The following GTPBP1 variants were observed in gnomAD, a reference collection of about 807,000 sequenced individuals.
GTPBP1 encodes GTP-binding protein 1.
Under a neutral mutation model 62.0 loss-of-function variants are expected in GTPBP1, and 23 were observed. That is an observed-to-expected ratio of 0.37 (90% CI 0.27 to 0.53). GTPBP1 has a LOEUF of 0.53. Ranked by LOEUF, GTPBP1 falls within the 20% of genes least tolerant of loss-of-function variation. The pLI is 0.89. For missense variants in GTPBP1, 640 were observed against 917.3 expected, an observed-to-expected ratio of 0.70 and a Z score of 3.90; for synonymous variants, 344 against 364.4, an observed-to-expected ratio of 0.94 and a Z score of 0.64.
At chr22:38,738,482 T>C, downstream of GTPBP1, 1 of 1,457,350 alleles carries the variant, frequency 6.9e-7, no homozygotes, top group Non-Finnish European at 9.4e-7. This position sits in a 1 kb window ranked among gnomAD's most constrained non-coding sequence, Gnocchi z 6.6. Context: ...CCAAATCCAC[T>C]CCCCTCCCTT....
chr22:38,730,168 G>A lies in GTPBP1; in HGVS notation c.1918-444G>A, dbSNP rs2092749382. Among the ~76,000 whole-genome samples the A allele has an allele frequency of 6.6e-6, 1 of 152,136 alleles. No homozygotes were observed. The highest frequency in any genetic ancestry group is 2.4e-5 in the African/African-American group (1 of 41,428). On this transcript the variant is annotated intron_variant, in intron 11 of 11. Transcript: ENST00000216044. The surrounding 1 kb of genome is among the most constrained non-coding windows in gnomAD (Gnocchi z 5.6). ...CTGTCTCCCACAGGCACTCTCTCCT[G>A]GCGTGATGAAGGCCTGGTGCCCCTT...
intron 2 of GTPBP1, among the ~76,000 whole-genome samples, chr22:38,709,332 T>G (rs1735729731): frequency 6.6e-6 from 1 of 152,178 alleles, no homozygotes; most frequent in African/African-American, 2.4e-5. Context: ...TTTTCCCCGC[T>G]TTTTGAACTT....
At chr22:38,707,962 T>C (rs1432737437) in intron 1 of GTPBP1, among the ~76,000 whole-genome samples, 1 of 152,192 alleles carries the variant, frequency 6.6e-6, no homozygotes, top group East Asian at 1.9e-4. Flanking sequence ...GAGAAACACT[T>C]AGTGAATAGT....
downstream of GTPBP1, chr22:38,738,737 G>T (rs749129041): frequency 8.1e-6 from 13 of 1,613,446 alleles, no homozygotes; most frequent in Non-Finnish European, 1.1e-5. The surrounding 1 kb of genome is among the most constrained non-coding windows in gnomAD (Gnocchi z 6.6). Flanking sequence ...CCCAGCAGTT[G>T]CCTGGGTGCA....
At chr22:38,724,512 A>T in intron 6 of GTPBP1, 101 bp downstream of exon 6, 1 of 704,278 alleles carries the variant, frequency 1.4e-6, no homozygotes, top group Non-Finnish European at 2.6e-6. Context: ...ATAAGGTCTC[A>T]TGAAAACACC....
chr22:38,734,575 C>T (rs1248896301), downstream of GTPBP1: 2 of 251,742 alleles, frequency 7.9e-6, no homozygotes, highest in East Asian at 1.7e-4. Context: ...GGTCCCATCC[C>T]CCACCACAAC....
At chr22:38,736,426 C>A (rs2145915325), downstream of GTPBP1, 1 of 1,501,648 alleles carries the variant, frequency 6.7e-7, no homozygotes. Context: ...ACCTGTGAGG[C>A]CTCACTGACA....
At chr22:38,719,130 C>T (rs529430044) in intron 4 of GTPBP1, among the ~76,000 whole-genome samples, 12 of 151,980 alleles carry the variant, frequency 7.9e-5, no homozygotes, top group African/African-American at 2.4e-4. Flanking sequence ...CTCAGCTTCC[C>T]GAGTAGCTGG....
chr22:38,738,825 C>T, downstream of GTPBP1: 2 of 1,596,592 alleles, frequency 1.3e-6, no homozygotes, highest in Non-Finnish European at 1.7e-6. This position sits in a 1 kb window ranked among gnomAD's most constrained non-coding sequence, Gnocchi z 6.6. Flanking sequence ...ATGGGACCAG[C>T]CCTCAGTGTG....
At position 38,706,060 on chromosome 22, in the gene GTPBP1, C is replaced by G. The variant is rs911868759; in HGVS notation, c.105C>G (p.Ala35=). ...GGGCGGCCAGGGCCGCGGCGGCCGC[C>G]GCCCGACTCCACGGCGGCTTTGACT... The part of the protein sequence containing the change: ...SPGAARAAAA[A]ARLHGGFDSD... The change falls in exon 1 of 12, where the codon GCC becomes GCG. Residue 35 remains alanine, a synonymous_variant. Coordinates refer to ENST00000216044, the MANE Select transcript of GTPBP1 (RefSeq NM_004286.5). 8 of 1,363,478 alleles carry G rather than the reference C, an allele frequency of 5.9e-6. No homozygotes were observed. The highest frequency in any genetic ancestry group is 7.6e-6 in the Non-Finnish European group (8 of 1,059,568). The allele number at this position is 1,363,478 out of a possible 1,614,324, so 84.5% of individuals were successfully genotyped here.
chr22:38,738,242 C>T (rs770092495), downstream of GTPBP1: 1 of 1,613,790 alleles, frequency 6.2e-7, no homozygotes, highest in Non-Finnish European at 8.5e-7. The surrounding 1 kb of genome is among the most constrained non-coding windows in gnomAD (Gnocchi z 6.6). Context: ...GTGTCCCCTC[C>T]TGCTGCAGGT....
At chr22:38,735,364 C>T (rs1292982181), downstream of GTPBP1, 1 of 391,818 alleles carries the variant, frequency 2.6e-6, no homozygotes, top group East Asian at 7.4e-5. Context: ...CCCTGAACGT[C>T]CCCACAAGAG....
chr22:38,741,484 G>GC, downstream of GTPBP1: 1 of 1,613,634 alleles, frequency 6.2e-7, no homozygotes, highest in Non-Finnish European at 8.5e-7. Flanking sequence ...AGTGCCGCAA[G>GC]CCCGCTGACC....
At position 38,729,681 on chromosome 22, in the gene GTPBP1, C is replaced by A; in HGVS notation, c.1917+19C>A. Reference sequence around the variant, plus strand: ...GCCTCAGGTGAGCACGGGCCCCTCGCAGCTTCGGCATGGTGGTGGGGGCTG... The same window carrying A: ...GCCTCAGGTGAGCACGGGCCCCTCGAAGCTTCGGCATGGTGGTGGGGGCTG... On this transcript the variant is annotated intron_variant, in intron 11 of 11. Transcript: ENST00000216044. 6.9e-7 allele frequency: 1 copy of A among 1,446,664 alleles called. No individual in the cohort carries two copies. Among genetic ancestry groups the A allele is most frequent in the South Asian group, 1.5e-5 (1 of 66,282 alleles). The allele number at this position is 1,446,664 out of a possible 1,614,324, so 89.6% of individuals were successfully genotyped here.
downstream of GTPBP1, chr22:38,734,006 TGAG>T: frequency 4.6e-6 from 1 of 217,156 alleles, no homozygotes; most frequent in Non-Finnish European, 9.6e-6. Context: ...TGAAGGGGAG[TGAG>T]CACAGGACCA....
At chr22:38,735,288 G>A, downstream of GTPBP1, 1 of 454,324 alleles carries the variant, frequency 2.2e-6, no homozygotes, top group Non-Finnish European at 4.4e-6. Context: ...AGCCTGAGCG[G>A]ACGACCCCTA....
chr22:38,724,246 G>T, intron 5 of GTPBP1, 51 bp from the exon 6 acceptor site: 3 of 1,090,410 alleles, frequency 2.8e-6, no homozygotes, highest in Non-Finnish European at 4.3e-6. Context: ...TTAAAGCCTG[G>T]CCAAAGAGAA....
chr22:38,738,760 G>A, downstream of GTPBP1: 1 of 1,612,840 alleles, frequency 6.2e-7, no homozygotes, highest in East Asian at 2.2e-5. This position sits in a 1 kb window ranked among gnomAD's most constrained non-coding sequence, Gnocchi z 6.6. Flanking sequence ...TCTGGCTGGA[G>A]GAGCAGAAAG....
intron 4 of GTPBP1, 112 bp from the exon 5 acceptor site, chr22:38,721,630 G>A (rs1240626101): frequency 5.4e-6 from 5 of 919,174 alleles, no homozygotes; most frequent in Admixed American, 2.0e-5. Flanking sequence ...AGGGGTTAAC[G>A]TGATTTTTGC....
Sources: gnomAD v4.1 joint callset for allele counts (sites outside exome capture counted in the v4.1 genomes callset) on GRCh38, gnomAD v4.1.1 for gene constraint, Gnocchi (gnomAD v3.1) non-coding constraint, MANE v1.5 for transcripts, NCBI Gene and HGNC (gene_info 2026-07-23, HGNC 2026-07-21) for gene names.